OGFOD3: variants seen among roughly 807,000 people sequenced by gnomAD.
OGFOD3 encodes 2-oxoglutarate and iron dependent oxygenase domain containing 3, also known as 2-oxoglutarate and iron-dependent oxygenase domain-containing protein 3.
OGFOD3 carries 35 observed loss-of-function variants against 39.8 expected under a neutral mutation model. The observed-to-expected ratio is 0.88, with a 90% confidence interval of 0.67 to 1.17. OGFOD3 has a LOEUF of 1.17. OGFOD3 is among the 50% of genes most tolerant of loss of function. The pLI, the probability that OGFOD3 is intolerant of heterozygous loss-of-function variation, is 0.00. For missense variants in OGFOD3, 438 were observed against 454.5 expected (o/e 0.96, Z 0.33); for synonymous variants, 200 against 192.0 (o/e 1.04, Z -0.34).
At chr17:82,408,213 C>T (rs1387271043) in intron 4 of OGFOD3, among the ~76,000 whole-genome samples, 1 of 152,230 alleles carries the variant, frequency 6.6e-6, no homozygotes, top group East Asian at 1.9e-4. Flanking sequence ...AAAAGTCACA[C>T]AGACCATCAC....
At chr17:82,416,571 T>G (rs917442861) in intron 1 of OGFOD3, among the ~76,000 whole-genome samples, 1 of 152,142 alleles carries the variant, frequency 6.6e-6, no homozygotes. Flanking sequence ...GTCCCAACAA[T>G]GATAAGAGAG....
chr17:82,411,997 C>T (rs1261555371), intron 2 of OGFOD3, among the ~76,000 whole-genome samples: 1 of 150,432 alleles, frequency 6.6e-6, no homozygotes, highest in Non-Finnish European at 1.5e-5. Context: ...CTGAGACCAC[C>T]AGAGCAGAAA....
At chr17:82,411,897 A>G (rs535302730) in intron 2 of OGFOD3, among the ~76,000 whole-genome samples, 113 of 152,288 alleles carry the variant, frequency 7.4e-4, no homozygotes, top group African/African-American at 2.6e-3. Flanking sequence ...ACCAGAGCAG[A>G]AAACCCTCCT....
intron 8 of OGFOD3, chr17:82,394,683 C>T (rs1293931235): frequency 8.4e-6 from 5 of 595,090 alleles, no homozygotes; most frequent in Non-Finnish European, 1.4e-5. Flanking sequence ...GAACATCCTG[C>T]CTGATAGGAG....
Position 82,395,647 on chromosome 17 carries a change from C to A in OGFOD3, c.823+2549G>T, listed in dbSNP as rs1158834257. The stretch of plus-strand genomic sequence containing the variant: ...CCATTCTGGCTAACACGGTGAAACC[C>A]CGTCTCTACTAAAAATACAAACAAT... On this transcript the variant is annotated intron_variant, in intron 8 of 8. Coordinates refer to ENST00000313056, the MANE Select transcript of OGFOD3 (RefSeq NM_024648.3). 2.6e-5 allele frequency among the ~76,000 whole-genome samples: 4 copies of A among 152,164 alleles called. No homozygotes were observed. The South Asian group carries it at 8.3e-4, about 32-fold the overall frequency.
chr17:82,415,683 G>A lies in OGFOD3; in HGVS notation c.75-56C>T, dbSNP rs9893108. Reference sequence around the variant, plus strand: ...AACACGGAGTGAGGCCAGAGAAAACGCTCCCCGATCATCAAAGTGCATGCA... The same window carrying A: ...AACACGGAGTGAGGCCAGAGAAAACACTCCCCGATCATCAAAGTGCATGCA... On this transcript the variant is annotated intron_variant, in intron 1 of 8. Coordinates refer to ENST00000313056, the MANE Select transcript of OGFOD3 (RefSeq NM_024648.3). This position sits in a 1 kb window ranked among gnomAD's most constrained non-coding sequence, Gnocchi z 5.3. 2.1e-4 allele frequency: 310 copies of A among 1,454,664 alleles called. No homozygotes were observed. In the African/African-American group the frequency reaches 4.0e-3, roughly 19 times the overall value. 90.1% of individuals were successfully genotyped at this position (1,454,664 alleles called of 1,614,324 possible).
At chr17:82,393,552 G>C (rs4077609) in intron 8 of OGFOD3, 40,466 of 152,176 alleles carry the variant, frequency 0.27, 5,869 homozygotes, top group South Asian at 0.41. Flanking sequence ...TTCCCGGACC[G>C]TGTGGGCCAC....
At position 82,392,428 on chromosome 17, in the gene OGFOD3, G is replaced by C; in HGVS notation, c.930C>G (p.Asp310Glu). 1 of 1,612,652 alleles carries C rather than the reference G, an allele frequency of 6.2e-7. No individual in the cohort carries two copies. Among genetic ancestry groups the C allele is most frequent in the Non-Finnish European group, 8.5e-7 (1 of 1,179,642 alleles). ...GGAACGCTGGGTCCTCGATGCCATG[G>C]TCGGGGTTGCAGCTGAAGGCGATGG... The part of the protein sequence containing the change: ...AITIAFSCNP[D>E]HGIEDPAFP The change falls in exon 9 of 9, where the codon GAC becomes GAG. Residue 310 changes from aspartate (D) to glutamate (E), a missense_variant. Coordinates refer to ENST00000313056, the MANE Select transcript of OGFOD3 (RefSeq NM_024648.3). The surrounding 1 kb of genome is among the most constrained non-coding windows in gnomAD (Gnocchi z 4.2).
Position 82,392,757 on chromosome 17 carries a change from G to C in OGFOD3, c.824-223C>G. The C allele has an allele frequency of 1.7e-6, 1 of 586,082 alleles. No homozygotes were observed. The highest frequency in any genetic ancestry group is 1.9e-5 in the African/African-American group (1 of 53,654). 36.3% of individuals were successfully genotyped at this position (586,082 alleles called of 1,614,324 possible). On this transcript the variant is annotated intron_variant, in intron 8 of 8. Coordinates refer to ENST00000313056, the MANE Select transcript of OGFOD3 (RefSeq NM_024648.3). This position sits in a 1 kb window ranked among gnomAD's most constrained non-coding sequence, Gnocchi z 4.2. ...CCTGTGGCGGAGGAGGGGCCCCCCG[G>C]GGCCAGCAGGGACTCTGTGGTGGGC...
At chr17:82,416,140 G>A (rs1457720252) in intron 1 of OGFOD3, among the ~76,000 whole-genome samples, 1 of 152,190 alleles carries the variant, frequency 6.6e-6, no homozygotes, top group Non-Finnish European at 1.5e-5. Context: ...AGAGGCTGAG[G>A]CAGGAGAATC....
In OGFOD3 at chr17:82,398,212, C is replaced by A; in HGVS notation, c.807G>T (p.Thr269=). 6.2e-7 allele frequency: 1 copy of A among 1,614,098 alleles called. No individual in the cohort carries two copies. Among genetic ancestry groups the A allele is most frequent in the African/African-American group, 1.3e-5 (1 of 75,036 alleles). ...GCCTCCTACCAGCTCTCGGCTCCAC[C>A]GTCTTGTTGGCACCCTCCTCCATGA... is the stretch of plus-strand genomic sequence containing the variant. ...FMFMEEGANK[T]VEPRAGRVSF... The change falls in exon 8 of 9, where the codon ACG becomes ACT. Residue 269 remains threonine, a synonymous_variant. Transcript: ENST00000313056.
chr17:82,402,367 G>A lies in OGFOD3; in HGVS notation c.699+1570C>T, dbSNP rs889178725. Reference sequence around the variant, plus strand: ...GGAGAACCGCTTGAACCCAGGAGGCGGAGGTTGTAGTAAGCCAAGATCACA... The same window carrying A: ...GGAGAACCGCTTGAACCCAGGAGGCAGAGGTTGTAGTAAGCCAAGATCACA... On this transcript the variant is annotated intron_variant, in intron 7 of 8. Transcript: ENST00000313056. Among the ~76,000 whole-genome samples, 11 of 151,710 alleles carry A rather than the reference G, an allele frequency of 7.3e-5. No homozygotes were observed. In the East Asian group the frequency reaches 9.7e-4, roughly 13 times the overall value.
intron 1 of OGFOD3, 89 bp downstream of exon 1, chr17:82,418,300 CCCCACCCCCCCACCCGGGTCGGG>C (rs1260479692): frequency 6.8e-6 from 1 of 146,460 alleles, no homozygotes; most frequent in Non-Finnish European, 1.5e-5. Flanking sequence ...ACCTGCCCCC[CCCCACCCCCCCACCCGGGTCGGG>C]CCAGGCCCCG....
In OGFOD3 at chr17:82,396,344, A is replaced by G. The variant is rs932753059; in HGVS notation, c.823+1852T>C. On this transcript the variant is annotated intron_variant, in intron 8 of 8. Transcript: ENST00000313056. Reference sequence around the variant, plus strand: ...CACAGGTAAACACATAGATACACACAATTAGATGTACGACATCAAATCACA... The same window carrying G: ...CACAGGTAAACACATAGATACACACGATTAGATGTACGACATCAAATCACA... Among the ~76,000 whole-genome samples the G allele has an allele frequency of 4.7e-5, 5 of 105,470 alleles. No individual in the cohort carries two copies. The East Asian group carries it at 9.7e-4, about 20-fold the overall frequency. 69.2% of individuals were successfully genotyped at this position (105,470 alleles called of 152,430 possible).
chr17:82,414,412 G>C (rs2053000564), intron 2 of OGFOD3, among the ~76,000 whole-genome samples: 1 of 152,200 alleles, frequency 6.6e-6, no homozygotes. Context: ...TGCTGGGATT[G>C]AGGATGAGCC....
chr17:82,397,761 G>C (rs922416764), intron 8 of OGFOD3, among the ~76,000 whole-genome samples: 3 of 152,140 alleles, frequency 2.0e-5, no homozygotes, highest in Middle Eastern at 3.2e-3. Flanking sequence ...AGAGCCACCC[G>C]GTGAGGTTCC....
At chr17:82,401,814 A>AAAAAAAAAAAAAAAAAAAAAAC (rs2052770260) in intron 7 of OGFOD3, among the ~76,000 whole-genome samples, 1 of 149,548 alleles carries the variant, frequency 6.7e-6, no homozygotes, top group African/African-American at 2.5e-5. Flanking sequence ...AAAAAAAAAA[A>AAAAAAAAAAAAAAAAAAAAAAC]AAAAAAAAAC....
intron 3 of OGFOD3, among the ~76,000 whole-genome samples, chr17:82,410,748 T>TGTC (rs1275495022): frequency 7.2e-5 from 9 of 125,790 alleles, no homozygotes; most frequent in Non-Finnish European, 1.4e-4. Context: ...AGATGGAGTC[T>TGTC]CACTCTGTCA....
rs1209248681 is a variant in OGFOD3, at chr17:82,406,891, T to G, written c.424-409A>C. On this transcript the variant is annotated intron_variant, in intron 4 of 8. Coordinates refer to ENST00000313056, the MANE Select transcript of OGFOD3 (RefSeq NM_024648.3). This position sits in a 1 kb window ranked among gnomAD's most constrained non-coding sequence, Gnocchi z 5.2. ...TACTGGGATTACAGGCATTAGCCAC[T>G]GCACCCAGCCTCAACCCAGGACTTT... Among the ~76,000 whole-genome samples the G allele has an allele frequency of 6.6e-6, 1 of 152,114 alleles. No individual in the cohort carries two copies. Among genetic ancestry groups the G allele is most frequent in the Non-Finnish European group, 1.5e-5 (1 of 68,028 alleles).
Sources: allele counts gnomAD v4.1 joint callset (sites outside exome capture counted in the v4.1 genomes callset), GRCh38; gene constraint gnomAD v4.1.1; non-coding constraint Gnocchi (gnomAD v3.1); transcripts MANE v1.5; gene names NCBI Gene and HGNC (gene_info 2026-07-23, HGNC 2026-07-21).